Variants in PHKA2 observed in about 807,000 individuals in gnomAD.
The protein encoded by PHKA2 is phosphorylase b kinase regulatory subunit alpha, liver isoform.
Under a neutral mutation model 102.0 loss-of-function variants are expected in PHKA2, and 31 were observed. The ratio of observed to expected loss-of-function variants is 0.30; its 90% CI spans 0.23 to 0.41. The LOEUF (loss-of-function observed/expected upper bound fraction) is 0.41, where lower values mean the gene tolerates loss of function less well. Ranked by LOEUF, PHKA2 falls within the 10% of genes least tolerant of loss-of-function variation. PHKA2 has a pLI of 1.00. For synonymous variants in PHKA2, 455 were observed against 416.2 expected (o/e 1.09, Z -1.13); for missense variants, 858 against 1,023.1 (o/e 0.84, Z 2.20).
intron 31 of PHKA2, chrX:18,894,789 C>CTGTT (rs1822916737): frequency 2.6e-6 from 1 of 390,555 alleles, no homozygotes; most frequent in Non-Finnish European, 4.5e-6. Context: ...GGGACGATTA[C>CTGTT]TGTTTTTAGT....
intron 5 of PHKA2, among the ~76,000 whole-genome samples, chrX:18,945,831 T>C (rs17247541): frequency 0.021 from 2,397 of 112,530 alleles, 34 homozygotes; most frequent in Non-Finnish European, 0.035. Flanking sequence ...CAATTCTATG[T>C]GTACTACTGA....
chrX:18,935,192 T>C (rs1015702533), intron 11 of PHKA2, among the ~76,000 whole-genome samples: 3 of 112,086 alleles, frequency 2.7e-5, no homozygotes, highest in African/African-American at 9.7e-5. Flanking sequence ...CTTCTAACCA[T>C]GAGATATTGA....
intron 1 of PHKA2, among the ~76,000 whole-genome samples, chrX:18,971,792 A>T: frequency 8.9e-6 from 1 of 112,659 alleles, no homozygotes; most frequent in East Asian, 2.8e-4. Flanking sequence ...AAGCAGCTTT[A>T]ACTGGGTGGG....
intron 1 of PHKA2, among the ~76,000 whole-genome samples, chrX:18,972,854 T>A (rs1213266085): frequency 8.9e-6 from 1 of 112,001 alleles, no homozygotes; most frequent in Non-Finnish European, 1.9e-5. Context: ...GGGGGCACAA[T>A]TACAATGCTG....
At chrX:18,979,542 C>T (rs2049141082) in intron 1 of PHKA2, among the ~76,000 whole-genome samples, 2 of 111,579 alleles carry the variant, frequency 1.8e-5, no homozygotes, top group South Asian at 7.4e-4. Context: ...CTTACCTGAG[C>T]CAAAACAATC....
At position 18,906,851 on chromosome X, in the gene PHKA2, G is replaced by A. The variant is rs879214180; in HGVS notation, c.2598-37C>T. 5 of 1,130,365 alleles carry A rather than the reference G, an allele frequency of 4.4e-6. No individual in the cohort carries two copies. The South Asian group carries it at 7.2e-5, about 16-fold the overall frequency. 93.2% of individuals were successfully genotyped at this position (1,130,365 alleles called of 1,213,427 possible). On this transcript the variant is annotated intron_variant, in intron 23 of 32. Coordinates refer to ENST00000379942, the MANE Select transcript of PHKA2 (RefSeq NM_000292.3). ...CATTGTGTCACGAATGTGATGAGGT[G>A]TCTTGAGACAGTGCCTCCTCGCCCT...
In PHKA2 at chrX:18,892,743, C is replaced by CTTT; in HGVS notation, c.*739_*741dup. The CTTT allele has an allele frequency of 1.0e-5, 1 of 95,786 alleles. No homozygotes were observed. Among genetic ancestry groups the CTTT allele is most frequent in the Non-Finnish European group, 2.1e-5 (1 of 46,883 alleles). 7.9% of individuals were successfully genotyped at this position (95,786 alleles called of 1,213,427 possible). ...TGCCTGGCTATAAGAGGAGCCTTGT[C>CTTT]TTTTTTTTTTTTTTTTTCTAGATTC... is the stretch of plus-strand genomic sequence containing the variant. On this transcript the variant is annotated 3_prime_UTR_variant, in exon 33 of 33. Transcript: ENST00000379942.
chrX:18,900,013 A>G (rs748752317), intron 28 of PHKA2, among the ~76,000 whole-genome samples: 49 of 111,403 alleles, frequency 4.4e-4, no homozygotes, highest in African/African-American at 1.3e-3. Context: ...GCGGGGACAG[A>G]GGGACGGTGC....
chrX:18,939,488 T>TTTTTTG (rs772084608), intron 9 of PHKA2, among the ~76,000 whole-genome samples: 4 of 111,143 alleles, frequency 3.6e-5, no homozygotes, highest in Non-Finnish European at 7.6e-5. Flanking sequence ...TACAAGTTGG[T>TTTTTTG]TTTTTGTTTT....
chrX:18,927,507 G>C (rs977440479), intron 13 of PHKA2, among the ~76,000 whole-genome samples: 2 of 112,277 alleles, frequency 1.8e-5, no homozygotes, highest in African/African-American at 6.5e-5. Flanking sequence ...GCGCAGGATT[G>C]GCTACTGTTA....
In PHKA2 at chrX:18,893,210, G is replaced by A. The variant is rs1340686757; in HGVS notation, c.*275C>T. On this transcript the variant is annotated 3_prime_UTR_variant, in exon 33 of 33. Transcript: ENST00000379942. The stretch of plus-strand genomic sequence containing the variant: ...AATTTCCAATTCCTCCTCAGAGTCC[G>A]TGAGACCAGATGCTACAGCAAATGT... 4 of 395,182 alleles carry A rather than the reference G, an allele frequency of 1.0e-5. No individual in the cohort carries two copies. Among genetic ancestry groups the A allele is most frequent in the African/African-American group, 2.5e-5 (1 of 39,567 alleles). 32.6% of individuals were successfully genotyped at this position (395,182 alleles called of 1,213,427 possible).
At chrX:18,977,258 A>AC (rs1313125772) in intron 1 of PHKA2, among the ~76,000 whole-genome samples, 2 of 112,516 alleles carry the variant, frequency 1.8e-5, no homozygotes, top group Non-Finnish European at 3.7e-5. Context: ...GCCAAAAAAA[A>AC]ATGTGGCATG....
intron 19 of PHKA2, among the ~76,000 whole-genome samples, chrX:18,912,031 T>A (rs2047936794): frequency 8.9e-6 from 1 of 112,139 alleles, no homozygotes; most frequent in Admixed American, 9.5e-5. Flanking sequence ...TTATCATTAT[T>A]GATATTTATT....
Position 18,892,743 on chromosome X carries a change from CTTTTTTTT to C in PHKA2, c.*734_*741del, listed in dbSNP as rs879137819. ...TGCCTGGCTATAAGAGGAGCCTTGTCTTTTTTTTTTTTTTTTTCTAGATTCCAGAAGAT... is the reference window on the plus strand; with the variant it reads ...TGCCTGGCTATAAGAGGAGCCTTGTCTTTTTTTTTCTAGATTCCAGAAGAT... On this transcript the variant is annotated 3_prime_UTR_variant, in exon 33 of 33. Coordinates refer to ENST00000379942, the MANE Select transcript of PHKA2 (RefSeq NM_000292.3). 2 of 94,120 alleles carry C rather than the reference CTTTTTTTT, an allele frequency of 2.1e-5. No homozygotes were observed. The highest frequency in any genetic ancestry group is 4.3e-5 in the Non-Finnish European group (2 of 46,605). 7.8% of individuals were successfully genotyped at this position (94,120 alleles called of 1,213,427 possible).
intron 1 of PHKA2, among the ~76,000 whole-genome samples, chrX:18,960,794 G>T (rs977813248): frequency 1.9e-4 from 21 of 111,671 alleles, no homozygotes; most frequent in Non-Finnish European, 3.8e-4. Context: ...GAACCATGAG[G>T]GTCAGTTCAT....
intron 26 of PHKA2, among the ~76,000 whole-genome samples, chrX:18,902,586 A>T (rs1234710808): frequency 4.7e-5 from 5 of 105,389 alleles, no homozygotes; most frequent in Non-Finnish European, 9.8e-5. Context: ...ACATGGAAAA[A>T]CCCTGTCTCT....
At position 18,897,240 on chromosome X, in the gene PHKA2, G is replaced by A. The variant is rs746210406; in HGVS notation, c.3205C>T (p.Arg1069Cys). 4.1e-6 allele frequency: 5 copies of A among 1,209,473 alleles called. No homozygotes were observed. Among genetic ancestry groups the A allele is most frequent in the Non-Finnish European group, 5.6e-6 (5 of 894,837 alleles). Residue 1069 changes from arginine (R) to cysteine (C), a missense_variant, in exon 30 of 33, where the codon CGC becomes TGC. By Grantham distance (180) the Arg-to-Cys change is radical (BLOSUM62 -3). Around this residue, in one of 2 missense-constraint regions of PHKA2, gnomAD observed 671 missense variants for 745.2 expected, o/e 0.90. Transcript: ENST00000379942. ...GWGERQGQWL[R>C]RRRLDGAINR... Reference sequence around the variant, plus strand: ...ATGGCCCCATCCAGCCTTCTCCTGCGCAGCCACTGGCCCTGCCGCTCACCC... The same window carrying A: ...ATGGCCCCATCCAGCCTTCTCCTGCACAGCCACTGGCCCTGCCGCTCACCC...
chrX:18,932,642 A>C lies in PHKA2; in HGVS notation c.1138-894T>G, dbSNP rs752663903. ...ATTAAATGTCATTAGTAATCAAATA[A>C]TCCAATAGGACAATAGTGTGGAAGG... On this transcript the variant is annotated intron_variant, in intron 11 of 32. Coordinates refer to ENST00000379942, the MANE Select transcript of PHKA2 (RefSeq NM_000292.3). Among the ~76,000 whole-genome samples, 20 of 111,122 alleles carry C rather than the reference A, an allele frequency of 1.8e-4. 1 individual carries two copies. The highest frequency in any genetic ancestry group is 4.8e-4 in the Admixed American group (5 of 10,360).
chrX:18,931,274 T>C (rs1255613391), intron 12 of PHKA2, among the ~76,000 whole-genome samples: 7 of 111,582 alleles, frequency 6.3e-5, no homozygotes, highest in African/African-American at 2.3e-4. Flanking sequence ...CAGGGGCACC[T>C]AGGGGCCAAT....
Sources: allele counts gnomAD v4.1 joint callset (sites outside exome capture counted in the v4.1 genomes callset), GRCh38; gene constraint gnomAD v4.1.1; regional missense constraint gnomAD v4.1.1; transcripts MANE v1.5; gene names NCBI Gene and HGNC (gene_info 2026-07-23, HGNC 2026-07-21).